ARHGAP35: variants seen among roughly 807,000 people sequenced by gnomAD.
ARHGAP35 encodes the protein rho GTPase-activating protein 35.
A neutral mutation model predicts 111.1 loss-of-function variants in ARHGAP35; 15 were observed. The ratio of observed to expected loss-of-function variants is 0.13; its 90% CI spans 0.09 to 0.21. The LOEUF (loss-of-function observed/expected upper bound fraction) is 0.21, where lower values mean the gene tolerates loss of function less well. Ranked by LOEUF, ARHGAP35 falls within the 10% of genes least tolerant of loss-of-function variation. The pLI, the probability that ARHGAP35 is intolerant of heterozygous loss-of-function variation, is 1.00. For missense variants in ARHGAP35, 1,262 were observed against 1,873.0 expected (o/e 0.67, Z 6.02); for synonymous variants, 643 against 710.3 (o/e 0.91, Z 1.51).
At chr19:46,996,521 T>C (rs2056709183) in intron 5 of ARHGAP35, among the ~76,000 whole-genome samples, 1 of 145,992 alleles carries the variant, frequency 6.8e-6, no homozygotes, top group South Asian at 2.4e-4. Context: ...CAGGCATCTC[T>C]GGCAGACCTA....
chr19:46,966,725 A>C (rs941000669), intron 3 of ARHGAP35, among the ~76,000 whole-genome samples: 2 of 152,142 alleles, frequency 1.3e-5, no homozygotes, highest in African/African-American at 4.8e-5. Context: ...GTCTATAATA[A>C]TATTTCTGGC....
chr19:46,938,475 T>TC (rs1356693848), intron 3 of ARHGAP35, among the ~76,000 whole-genome samples: 1 of 150,844 alleles, frequency 6.6e-6, no homozygotes. Flanking sequence ...TGCTTCAGCC[T>TC]CTGAGTAGCT....
At chr19:46,894,501 A>G (rs1163548161) in intron 1 of ARHGAP35, among the ~76,000 whole-genome samples, 2 of 138,498 alleles carry the variant, frequency 1.4e-5, no homozygotes, top group Non-Finnish European at 3.0e-5. Context: ...GCTGGAGTGC[A>G]GTGGCACGAT....
intron 2 of ARHGAP35, among the ~76,000 whole-genome samples, chr19:46,934,238 C>T (rs781178947): frequency 6.6e-6 from 1 of 152,064 alleles, no homozygotes; most frequent in Non-Finnish European, 1.5e-5. Context: ...TAAAACTTTT[C>T]GACTTTTAAC....
intron 3 of ARHGAP35, among the ~76,000 whole-genome samples, chr19:46,974,743 C>A (rs1409004258): frequency 9.2e-5 from 14 of 152,056 alleles, no homozygotes; most frequent in Admixed American, 9.2e-4. Flanking sequence ...CCCCAGAGGT[C>A]GTGGGTGGGG....
At chr19:46,892,123 T>TAAAAA (rs1178888092) in intron 1 of ARHGAP35, among the ~76,000 whole-genome samples, 2 of 53,900 alleles carry the variant, frequency 3.7e-5, no homozygotes, top group African/African-American at 7.4e-5. Context: ...CTGTCTCTAC[T>TAAAAA]AAAAAAAAAA....
intron 3 of ARHGAP35, among the ~76,000 whole-genome samples, chr19:46,968,976 A>T (rs1452306649): frequency 1.3e-5 from 2 of 152,130 alleles, no homozygotes; most frequent in Admixed American, 6.6e-5. Flanking sequence ...AATCCCAGCT[A>T]TTCAGGAGAC....
At chr19:46,959,077 A>C (rs1486501412) in intron 3 of ARHGAP35, among the ~76,000 whole-genome samples, 2 of 152,158 alleles carry the variant, frequency 1.3e-5, no homozygotes, top group Non-Finnish European at 2.9e-5. Flanking sequence ...TTTTTTAAAA[A>C]AAAATTTATT....
At position 46,992,176 on chromosome 19, in the gene ARHGAP35, G is replaced by A. The variant is rs762280827; in HGVS notation, c.4036+2501G>A. On this transcript the variant is annotated intron_variant, in intron 5 of 6. Coordinates refer to ENST00000672722, the MANE Select transcript of ARHGAP35 (RefSeq NM_004491.5). The surrounding 1 kb of genome is among the most constrained non-coding windows in gnomAD (Gnocchi z 4.4). ...GGGCCCGGCTCTCCACGAGGCACTT[G>A]ATTCCCACCACTGATCTTCCTTTGA... 3.4e-4 allele frequency among the ~76,000 whole-genome samples: 51 copies of A among 152,192 alleles called. No homozygotes were observed. Among genetic ancestry groups the A allele is most frequent in the Non-Finnish European group, 6.6e-4 (45 of 68,036 alleles).
intron 3 of ARHGAP35, among the ~76,000 whole-genome samples, chr19:46,971,796 CCGGCTCCCT>C (rs770498334): frequency 6.6e-6 from 1 of 152,158 alleles, no homozygotes; most frequent in East Asian, 1.9e-4. Context: ...CCGCACCTGG[CCGGCTCCCT>C]CAGTTTTATC....
Position 47,004,810 on chromosome 19 carries a change from G to A in ARHGAP35, c.*4122G>A, listed in dbSNP as rs1225782775. The A allele has an allele frequency of 6.6e-6, 1 of 152,198 alleles. No individual in the cohort carries two copies. Among genetic ancestry groups the A allele is most frequent in the Non-Finnish European group, 1.5e-5 (1 of 68,040 alleles). The allele number at this position is 152,198 out of a possible 1,614,324, so 9.4% of individuals were successfully genotyped here. ...GGGGCTTTAACCGGAACATCGTCTA[G>A]CTGGTGTTAGGAATGTTTGCTTAAT... On this transcript the variant is annotated 3_prime_UTR_variant, in exon 7 of 7. Coordinates refer to ENST00000672722, the MANE Select transcript of ARHGAP35 (RefSeq NM_004491.5).
chr19:46,866,964 T>C (rs757997642), intron 1 of ARHGAP35, among the ~76,000 whole-genome samples: 1 of 152,240 alleles, frequency 6.6e-6, no homozygotes, highest in Non-Finnish European at 1.5e-5. Context: ...CTTGTATTGC[T>C]GGCATTAAGA....
At chr19:46,949,256 A>C (rs1441565140) in intron 3 of ARHGAP35, 2 of 152,228 alleles carry the variant, frequency 1.3e-5, no homozygotes, top group Non-Finnish European at 2.9e-5. Context: ...AAACAAAACA[A>C]AAAAGAAGTC....
intron 2 of ARHGAP35, among the ~76,000 whole-genome samples, chr19:46,931,523 G>A (rs1261181590): frequency 6.6e-6 from 1 of 152,170 alleles, no homozygotes; most frequent in East Asian, 1.9e-4. Flanking sequence ...ACCAGAGGTA[G>A]TTGCCAGGCA....
Position 47,002,806 on chromosome 19 carries a change from T to C in ARHGAP35, c.*2118T>C. 1 of 152,348 alleles carries C rather than the reference T, an allele frequency of 6.6e-6. No homozygotes were observed. Among genetic ancestry groups the C allele is most frequent in the Non-Finnish European group, 1.5e-5 (1 of 68,086 alleles). The allele number at this position is 152,348 out of a possible 1,614,324, so 9.4% of individuals were successfully genotyped here. A position where few individuals can be genotyped will look rare whatever the true frequency, so the allele number is the denominator to read the frequency against. On this transcript the variant is annotated 3_prime_UTR_variant, in exon 7 of 7. Coordinates refer to ENST00000672722, the MANE Select transcript of ARHGAP35 (RefSeq NM_004491.5). ...GCTTGAGCTAACACTGCCACCTCTT[T>C]TGTGTGAGCACAAAAGCCACGTCCC... is the stretch of plus-strand genomic sequence containing the variant.
chr19:46,922,439 AC>A lies in ARHGAP35; in HGVS notation c.3681+85del. The A allele has an allele frequency of 2.3e-6, 3 of 1,333,262 alleles. No individual in the cohort carries two copies. Among genetic ancestry groups the A allele is most frequent in the Non-Finnish European group, 3.0e-6 (3 of 1,009,740 alleles). 82.6% of individuals were successfully genotyped at this position (1,333,262 alleles called of 1,614,324 possible). A position where few individuals can be genotyped will look rare whatever the true frequency, so the allele number is the denominator to read the frequency against. ...GATTGATGATGATTTTTCAAGGACAACCTATTCTGGTAAAAAAAAAACTGCC... is the reference window on the plus strand; with the variant it reads ...GATTGATGATGATTTTTCAAGGACAACTATTCTGGTAAAAAAAAAACTGCC... On this transcript the variant is annotated intron_variant, in intron 2 of 6. Transcript: ENST00000672722. This position sits in a 1 kb window ranked among gnomAD's most constrained non-coding sequence, Gnocchi z 4.0.
chr19:46,972,610 C>G (rs2056557027), intron 3 of ARHGAP35, among the ~76,000 whole-genome samples: 1 of 152,184 alleles, frequency 6.6e-6, no homozygotes, highest in African/African-American at 2.4e-5. Context: ...TCTCCCTGTC[C>G]TTGATTGAAA....
chr19:46,898,250 A>G (rs541523265), intron 1 of ARHGAP35, among the ~76,000 whole-genome samples: 1 of 152,050 alleles, frequency 6.6e-6, no homozygotes, highest in Non-Finnish European at 1.5e-5. Context: ...CAAAAAAAAA[A>G]AAAAACAAAA....
At chr19:46,944,701 C>A (rs2056368598) in intron 3 of ARHGAP35, among the ~76,000 whole-genome samples, 1 of 152,090 alleles carries the variant, frequency 6.6e-6, no homozygotes, top group South Asian at 2.1e-4. Context: ...ATCTCCCAGC[C>A]CCTTAGTTTG....
Sources: allele counts gnomAD v4.1 joint callset (sites outside exome capture counted in the v4.1 genomes callset), GRCh38; gene constraint gnomAD v4.1.1; non-coding constraint Gnocchi (gnomAD v3.1); transcripts MANE v1.5; gene names NCBI Gene and HGNC (gene_info 2026-07-23, HGNC 2026-07-21).